Variants in AVEN observed in about 807,000 individuals in gnomAD.
The protein encoded by AVEN is cell death regulator Aven.
In AVEN, 41 loss-of-function variants were observed where a neutral mutation model predicts 38.1. That is an observed-to-expected ratio of 1.08 (90% CI 0.84 to 1.40). AVEN has a LOEUF of 1.40. Ranked by LOEUF, AVEN falls within the 40% of genes most tolerant of loss-of-function variation. The pLI, the probability that AVEN is intolerant of heterozygous loss-of-function variation, is 0.00. For missense variants in AVEN, 605 were observed against 438.8 expected, an observed-to-expected ratio of 1.38 and a Z score of -3.38; for synonymous variants, 206 against 171.8, an observed-to-expected ratio of 1.20 and a Z score of -1.56.
chr15:33,981,088 C>CT (rs71119907), intron 2 of AVEN, among the ~76,000 whole-genome samples: 115,149 of 151,970 alleles, frequency 0.76, 48,649 homozygotes, highest in Non-Finnish European at 0.95. Context: ...TCCAAGACTC[C>CT]CCAGTTTTGG....
intron 5 of AVEN, among the ~76,000 whole-genome samples, chr15:34,050,550 G>GCTGGAT (rs1389615976): frequency 6.6e-6 from 1 of 152,078 alleles, no homozygotes; most frequent in Non-Finnish European, 1.5e-5. Flanking sequence ...AAAAGACACA[G>GCTGGAT]AATGACAAGC....
At chr15:33,893,649 ACTTT>A (rs1892086204) in intron 2 of AVEN, among the ~76,000 whole-genome samples, 1 of 152,168 alleles carries the variant, frequency 6.6e-6, no homozygotes, top group African/African-American at 2.4e-5. Context: ...TTCTTTTTGG[ACTTT>A]CTTTCCTGAA....
At chr15:34,000,266 TAGAA>T (rs1335686778) in intron 2 of AVEN, among the ~76,000 whole-genome samples, 1 of 152,206 alleles carries the variant, frequency 6.6e-6, no homozygotes, top group Admixed American at 6.5e-5. Flanking sequence ...CTCTACCCTC[TAGAA>T]AGTCAACTCT....
intron 5 of AVEN, chr15:34,062,703 A>T: frequency 6.3e-7 from 1 of 1,592,744 alleles, no homozygotes; most frequent in Non-Finnish European, 8.6e-7. Flanking sequence ...TTTACTGTAA[A>T]ATTTTTGCAC....
At chr15:33,921,309 G>A (rs1463579903) in intron 2 of AVEN, among the ~76,000 whole-genome samples, 1 of 152,154 alleles carries the variant, frequency 6.6e-6, no homozygotes, top group East Asian at 1.9e-4. Context: ...TAATTAAGAA[G>A]AAAGGCAAGT....
rs565873907 is a variant in AVEN at position 34,061,260 on chromosome 15, T to A, written n.1637+1662A>T. On this transcript the variant is annotated intron_variant and non_coding_transcript_variant, in intron 5 of 11. Transcript: ENST00000675287. ...TGAAATCTTTATCATGTACATAGAT[T>A]TTTTAATCTACAAAGGGAAAATTTC... is the stretch of plus-strand genomic sequence containing the variant. Among the ~76,000 whole-genome samples, 58 of 152,236 alleles carry A rather than the reference T, an allele frequency of 3.8e-4. 1 individual carries two copies. The South Asian group carries it at 0.012, about 32-fold the overall frequency.
chr15:33,984,754 T>A (rs892241352), intron 2 of AVEN, among the ~76,000 whole-genome samples: 3 of 152,104 alleles, frequency 2.0e-5, no homozygotes, highest in Admixed American at 2.0e-4. Context: ...ACAAACATCT[T>A]CCCAGGACTT....
At chr15:33,882,676 G>C (rs2153038293) in intron 2 of AVEN, among the ~76,000 whole-genome samples, 1 of 152,178 alleles carries the variant, frequency 6.6e-6, no homozygotes, top group South Asian at 2.1e-4. Context: ...AGACAAGCCT[G>C]GGTAACAAAA....
chr15:34,015,028 G>A (rs1897821193), intron 1 of AVEN, among the ~76,000 whole-genome samples: 9 of 152,124 alleles, frequency 5.9e-5, no homozygotes, highest in Admixed American at 5.9e-4. Flanking sequence ...GTACTCTAGA[G>A]TCCTGAAGCC....
At chr15:33,935,200 T>C (rs1383192713) in intron 2 of AVEN, among the ~76,000 whole-genome samples, 3 of 152,162 alleles carry the variant, frequency 2.0e-5, no homozygotes, top group Non-Finnish European at 4.4e-5. Flanking sequence ...ATTGAAAACA[T>C]CTCTTTCCAC....
intron 1 of AVEN, among the ~76,000 whole-genome samples, chr15:34,018,775 G>A (rs1271600352): frequency 6.6e-6 from 1 of 152,198 alleles, no homozygotes; most frequent in Non-Finnish European, 1.5e-5. Context: ...GTGCTAATTG[G>A]TCCATTTACA....
At chr15:33,870,144 T>C (rs1175966413) in intron 4 of AVEN, among the ~76,000 whole-genome samples, 2 of 152,174 alleles carry the variant, frequency 1.3e-5, no homozygotes, top group South Asian at 4.1e-4. Context: ...ATCCTGTTAA[T>C]TGTACCTTTG....
intron 2 of AVEN, among the ~76,000 whole-genome samples, chr15:33,997,217 A>G (rs1447715939): frequency 6.6e-6 from 1 of 152,220 alleles, no homozygotes; most frequent in Non-Finnish European, 1.5e-5. Context: ...ATTTAAAACA[A>G]TGCACTGAAA....
chr15:34,032,012 C>T (rs964294755), intron 1 of AVEN, among the ~76,000 whole-genome samples: 11 of 110,454 alleles, frequency 1.0e-4, no homozygotes, highest in Admixed American at 2.8e-4. Flanking sequence ...CACACACATA[C>T]GCGCGCACAC....
rs1899242670 is a variant in AVEN, at chr15:34,038,192, G to C, written c.267+588C>G. Among the ~76,000 whole-genome samples the C allele has an allele frequency of 2.0e-5, 3 of 152,162 alleles. No individual in the cohort carries two copies. The South Asian group carries it at 6.2e-4, about 32-fold the overall frequency. On this transcript the variant is annotated intron_variant, in intron 1 of 5. Coordinates refer to ENST00000306730, the MANE Select transcript of AVEN (RefSeq NM_020371.3). ...CTACACATACAGGCATAATAAAAGAGAACTACGCTATTACAAAGAACTATG... is the reference window on the plus strand; with the variant it reads ...CTACACATACAGGCATAATAAAAGACAACTACGCTATTACAAAGAACTATG...
At chr15:34,007,452 C>T (rs116573318) in intron 1 of AVEN, among the ~76,000 whole-genome samples, 23 of 152,174 alleles carry the variant, frequency 1.5e-4, no homozygotes, top group African/African-American at 5.6e-4. Context: ...AAACCAGGCA[C>T]GCTTTTCCTC....
intron 2 of AVEN, among the ~76,000 whole-genome samples, chr15:33,918,885 T>C (rs1384985930): frequency 6.6e-6 from 1 of 151,684 alleles, no homozygotes; most frequent in African/African-American, 2.4e-5. Flanking sequence ...TGCCATCTGG[T>C]CATCAAACAC....
intron 1 of AVEN, among the ~76,000 whole-genome samples, chr15:34,025,747 T>A (rs928304748): frequency 6.6e-6 from 1 of 152,036 alleles, no homozygotes; most frequent in Non-Finnish European, 1.5e-5. Flanking sequence ...TTTGTTTTGG[T>A]TTGGTTTTGC....
intron 2 of AVEN, among the ~76,000 whole-genome samples, chr15:33,925,505 G>A (rs190639790): frequency 2.0e-5 from 3 of 152,344 alleles, no homozygotes; most frequent in Admixed American, 2.0e-4. Context: ...TCACTGCGGT[G>A]ACAGCACTGC....
Sources: allele counts gnomAD v4.1 joint callset (sites outside exome capture counted in the v4.1 genomes callset), GRCh38; gene constraint gnomAD v4.1.1; transcripts MANE v1.5; gene names NCBI Gene and HGNC (gene_info 2026-07-23, HGNC 2026-07-21).